Variants in THTPA observed in about 807,000 individuals in gnomAD.
The protein encoded by THTPA is thiamine triphosphatase, also known as thiamine-triphosphatase.
THTPA carries 16 observed loss-of-function variants against 16.5 expected under a neutral mutation model. The observed-to-expected ratio is 0.97, with a 90% CI of 0.66 to 1.47. The LOEUF is 1.47. THTPA is among the 40% of genes most tolerant of loss of function. THTPA has a pLI of 0.00. For missense variants in THTPA, 281 were observed against 280.9 expected, an observed-to-expected ratio of 1.00 and a Z score of 0.00; for synonymous variants, 110 against 115.5, an observed-to-expected ratio of 0.95 and a Z score of 0.30.
At chr14:23,542,466 T>C in the THTPA span, among the ~76,000 whole-genome samples, 1 of 152,124 alleles carries the variant, frequency 6.6e-6, no homozygotes, top group Non-Finnish European at 1.5e-5. Flanking sequence ...CCTTGATGAC[T>C]TGGAAAGTGT....
At chr14:23,521,864 A>G in the THTPA span, 1 of 1,486,024 alleles carries the variant, frequency 6.7e-7, no homozygotes, top group South Asian at 1.3e-5. Context: ...GGGCGGGGCC[A>G]GGGGGTGGGG....
At chr14:23,542,879 G>A in the THTPA span, 1 of 152,104 alleles carries the variant, frequency 6.6e-6, no homozygotes, top group South Asian at 2.1e-4. Context: ...GGGATTACAG[G>A]CGCGTACCAC....
At chr14:23,525,659 G>A in the THTPA span, 4 of 1,535,626 alleles carry the variant, frequency 2.6e-6, no homozygotes, top group Non-Finnish European at 3.5e-6. The surrounding 1 kb of genome is among the most constrained non-coding windows in gnomAD (Gnocchi z 5.9). Flanking sequence ...CAATGGGTCG[G>A]GGGGTGAGGA....
Position 23,559,065 on chromosome 14 carries a change from C to T in THTPA, c.*225C>T, listed in dbSNP as rs1365725171. ...CTGTGGGCCGCCCCTCTCCCCTGGC[C>T]GCTAAGCAGCCTCCATTGATTTCCG... On this transcript the variant is annotated 3_prime_UTR_variant, in exon 2 of 2. Coordinates refer to ENST00000288014, the MANE Select transcript of THTPA (RefSeq NM_024328.6). The T allele has an allele frequency of 1.3e-5, 7 of 555,840 alleles. No individual in the cohort carries two copies. Among genetic ancestry groups the T allele is most frequent in the Non-Finnish European group, 2.2e-5 (7 of 314,098 alleles). 34.4% of individuals were successfully genotyped at this position (555,840 alleles called of 1,614,324 possible).
chr14:23,547,023 T>C, the THTPA span, among the ~76,000 whole-genome samples: 11 of 152,216 alleles, frequency 7.2e-5, no homozygotes, highest in Non-Finnish European at 1.3e-4. Context: ...TGATTCCTGA[T>C]TGGGTGCATG....
chr14:23,554,588 A>G (rs1455084776), upstream of THTPA, among the ~76,000 whole-genome samples: 1 of 143,130 alleles, frequency 7.0e-6, no homozygotes, highest in Non-Finnish European at 1.5e-5. Flanking sequence ...GGGTCTTCCT[A>G]TGTTGCCCAG....
At chr14:23,524,535 G>C in the THTPA span, 17 of 1,525,232 alleles carry the variant, frequency 1.1e-5, no homozygotes, top group Non-Finnish European at 1.3e-5. This position sits in a 1 kb window ranked among gnomAD's most constrained non-coding sequence, Gnocchi z 5.6. Flanking sequence ...TCTAGGAGTT[G>C]GGGGGGAGCA....
the THTPA span, among the ~76,000 whole-genome samples, chr14:23,519,016 T>A: frequency 6.6e-6 from 1 of 152,060 alleles, no homozygotes; most frequent in African/African-American, 2.4e-5. Context: ...GTCAGCAGAG[T>A]CAGCCCGGCT....
chr14:23,516,162 C>T, the THTPA span, among the ~76,000 whole-genome samples: 2 of 152,140 alleles, frequency 1.3e-5, no homozygotes, highest in Non-Finnish European at 2.9e-5. Context: ...GTTTCTGGTT[C>T]AGTTGGTCTT....
chr14:23,523,990 C>A, the THTPA span: 1 of 1,524,590 alleles, frequency 6.6e-7, no homozygotes, highest in Non-Finnish European at 8.8e-7. This position sits in a 1 kb window ranked among gnomAD's most constrained non-coding sequence, Gnocchi z 4.1. Flanking sequence ...TGGCCTCTTT[C>A]CCAGGTGGTA....
chr14:23,523,056 C>T, the THTPA span: 1 of 1,404,058 alleles, frequency 7.1e-7, no homozygotes, highest in Non-Finnish European at 9.2e-7. The surrounding 1 kb of genome is among the most constrained non-coding windows in gnomAD (Gnocchi z 4.1). Flanking sequence ...TTCCATGCCC[C>T]TTCCCTCCCT....
the THTPA span, chr14:23,533,691 C>T: frequency 6.5e-7 from 1 of 1,539,306 alleles, no homozygotes. The surrounding 1 kb of genome is among the most constrained non-coding windows in gnomAD (Gnocchi z 4.8). Context: ...GACTTCCCTG[C>T]CCACCAGGGC....
the THTPA span, among the ~76,000 whole-genome samples, chr14:23,542,750 T>A: frequency 6.6e-6 from 1 of 152,254 alleles, no homozygotes; most frequent in East Asian, 1.9e-4. Flanking sequence ...ACATTCTTTT[T>A]TTTTTTTGGA....
chr14:23,533,253 G>C, the THTPA span: 13 of 1,105,930 alleles, frequency 1.2e-5, no homozygotes, highest in Non-Finnish European at 1.3e-5. The surrounding 1 kb of genome is among the most constrained non-coding windows in gnomAD (Gnocchi z 4.8). Flanking sequence ...GCCCTGGGGA[G>C]GAGAGAAGAG....
At chr14:23,558,547 AGT>A in intron 1 of THTPA, 146 bp from the exon 2 acceptor site, 1 of 973,678 alleles carries the variant, frequency 1.0e-6, no homozygotes, top group Non-Finnish European at 1.5e-6. Flanking sequence ...GGAGTGGACT[AGT>A]GTGTTACAGA....
At chr14:23,523,563 C>T in the THTPA span, 2 of 1,539,308 alleles carry the variant, frequency 1.3e-6, no homozygotes, top group Non-Finnish European at 1.7e-6. This position sits in a 1 kb window ranked among gnomAD's most constrained non-coding sequence, Gnocchi z 4.1. Context: ...GCGGCTGTCC[C>T]CTGTAGTTTG....
the THTPA span, chr14:23,524,238 G>C: frequency 6.5e-7 from 1 of 1,536,508 alleles, no homozygotes; most frequent in South Asian, 1.2e-5. This position sits in a 1 kb window ranked among gnomAD's most constrained non-coding sequence, Gnocchi z 5.6. Context: ...AACCAGACCT[G>C]TACCACTCGC....
At chr14:23,540,403 C>T in the THTPA span, among the ~76,000 whole-genome samples, 1 of 152,186 alleles carries the variant, frequency 6.6e-6, no homozygotes, top group African/African-American at 2.4e-5. Context: ...TTGCCTCAGG[C>T]ATTGCACCCT....
the THTPA span, chr14:23,523,676 G>A: frequency 6.5e-7 from 1 of 1,539,766 alleles, no homozygotes; most frequent in Non-Finnish European, 8.7e-7. The surrounding 1 kb of genome is among the most constrained non-coding windows in gnomAD (Gnocchi z 4.1). Flanking sequence ...CATGGTGGGG[G>A]TGCGGTAAGC....
Sources: gnomAD v4.1 joint callset for allele counts (sites outside exome capture counted in the v4.1 genomes callset) on GRCh38, gnomAD v4.1.1 for gene constraint, Gnocchi (gnomAD v3.1) non-coding constraint, MANE v1.5 for transcripts, NCBI Gene and HGNC (gene_info 2026-07-23, HGNC 2026-07-21) for gene names.